NTSR2: variants seen among roughly 807,000 people sequenced by gnomAD.
NTSR2 encodes the protein neurotensin receptor 2.
Under a neutral mutation model 24.1 loss-of-function variants are expected in NTSR2, and 22 were observed. That is an observed-to-expected ratio of 0.91 (90% confidence interval 0.65 to 1.30). The LOEUF is 1.30. Ranked by LOEUF, NTSR2 falls within the 50% of genes most tolerant of loss-of-function variation. NTSR2 has a pLI of 0.00. For synonymous variants in NTSR2, 291 were observed against 267.0 expected (o/e 1.09, Z -0.88); for missense variants, 570 against 570.4 (o/e 1.00, Z 0.01).
In NTSR2 at chr2:11,658,294, G is replaced by C. The variant is rs1660973155; in HGVS notation, c.*185C>G. On this transcript the variant is annotated 3_prime_UTR_variant, in exon 4 of 4. Coordinates refer to ENST00000306928, the MANE Select transcript of NTSR2 (RefSeq NM_012344.4). ...TTCTTTATCTCCACTACACAGACGAGGGAGCCTGAGGCTAGGAGGGGTCAC... is the reference window on the plus strand; with the variant it reads ...TTCTTTATCTCCACTACACAGACGACGGAGCCTGAGGCTAGGAGGGGTCAC... The C allele has an allele frequency of 1.5e-6, 1 of 663,694 alleles. No homozygotes were observed. Among genetic ancestry groups the C allele is most frequent in the South Asian group, 2.3e-5 (1 of 43,614 alleles). 41.1% of individuals were successfully genotyped at this position (663,694 alleles called of 1,614,324 possible). A position where few individuals can be genotyped will look rare whatever the true frequency, so the allele number is the denominator to read the frequency against.
chr2:11,662,306 T>C (rs1421350215), intron 1 of NTSR2, 66 bp from the exon 2 acceptor site: 6 of 1,411,754 alleles, frequency 4.3e-6, no homozygotes, highest in Non-Finnish European at 5.6e-6. Context: ...CATCTGGCTG[T>C]GCCCCAGACC....
intron 1 of NTSR2, chr2:11,665,270 C>G (rs1463329844): frequency 6.6e-6 from 1 of 152,216 alleles, no homozygotes; most frequent in African/African-American, 2.4e-5. Flanking sequence ...AGCTGGGGAC[C>G]ACGTGCAGGC....
rs1199613569 is a variant in NTSR2 at position 11,665,069 on chromosome 2, T to G, written c.625-2829A>C. 2.7e-3 allele frequency among the ~76,000 whole-genome samples: 395 copies of G among 147,046 alleles called. 4 individuals are homozygous for G. The highest frequency in any genetic ancestry group is 0.024 in the Middle Eastern group (7 of 286). Reference sequence around the variant, plus strand: ...ACTTTGGCACTGTTTTTTTTTTTTTTTTTTTTTTTTTTTTCCAAGCTTGTC... The same window carrying G: ...ACTTTGGCACTGTTTTTTTTTTTTTGTTTTTTTTTTTTTTCCAAGCTTGTC... On this transcript the variant is annotated intron_variant, in intron 1 of 3. Transcript: ENST00000306928.
At position 11,662,133 on chromosome 2, in the gene NTSR2, A is replaced by G. The variant is rs917073415; in HGVS notation, c.732T>C (p.Ser244=). The change falls in exon 2 of 4, where the codon TCT becomes TCC. Residue 244 remains serine (S), a synonymous_variant. Coordinates refer to ENST00000306928, the MANE Select transcript of NTSR2 (RefSeq NM_012344.4). ...GGCTGGGGGTGGAGCTGCCCGGGGTAGAAGTGGACGGCACTTGGGAGCAGA... is the reference window on the plus strand; with the variant it reads ...GGCTGGGGGTGGAGCTGCCCGGGGTGGAAGTGGACGGCACTTGGGAGCAGA... ...LALCSQVPST[S]TPGSSTPSRL... The G allele has an allele frequency of 1.2e-6, 2 of 1,610,810 alleles. No homozygotes were observed. Among genetic ancestry groups the G allele is most frequent in the Non-Finnish European group, 8.5e-7 (1 of 1,178,836 alleles).
rs1246609299 is a variant in NTSR2 at position 11,669,764 on chromosome 2, C to T, written c.366G>A (p.Thr122=). 2 of 1,542,814 alleles carry T rather than the reference C, an allele frequency of 1.3e-6. No individual in the cohort carries two copies. Among genetic ancestry groups the T allele is most frequent in the African/African-American group, 2.7e-5 (2 of 73,324 alleles). Residue 122 remains threonine (T), a synonymous_variant, in exon 1 of 4, where the codon ACG becomes ACA. Transcript: ENST00000306928. The part of the protein sequence containing the change: ...YFVHELCAYA[T]VLSVAGLSAE... ...CGCTCAGGCCTGCCACGCTCAGCAC[C>T]GTGGCGTAGGCGCACAGCTCGTGCA... is the stretch of plus-strand genomic sequence containing the variant.
chr2:11,658,602 C>T lies in NTSR2; in HGVS notation c.1110G>A (p.Leu370=). The change falls in exon 4 of 4, where the codon CTG becomes CTA. Residue 370 remains leucine, a synonymous_variant. Transcript: ENST00000306928. ...AVSSSFRKLF[L]EAVSSLCGEH... ...CTCCACACAGGGAGCTGACGGCTTC[C>T]AGGAAGAGTTTTCTGAAGGAGGAGG... 1 of 1,614,158 alleles carries T rather than the reference C, an allele frequency of 6.2e-7. No homozygotes were observed. Among genetic ancestry groups the T allele is most frequent in the Non-Finnish European group, 8.5e-7 (1 of 1,180,034 alleles).
intron 1 of NTSR2, 46 bp downstream of exon 1, chr2:11,669,460 G>GGGGGGGGGGGGGGCCCCCCCC: frequency 7.5e-5 from 19 of 254,706 alleles, no homozygotes; most frequent in East Asian, 1.6e-4. Context: ...TCCCAGCACC[G>GGGGGGGGGGGGGGCCCCCCCC]CCCCCCCACC....
At chr2:11,660,663 C>T (rs1222641845) in intron 2 of NTSR2, among the ~76,000 whole-genome samples, 3 of 152,126 alleles carry the variant, frequency 2.0e-5, no homozygotes, top group Non-Finnish European at 4.4e-5. Context: ...ATTGCTTGAA[C>T]CTGGAAGGAG....
intron 1 of NTSR2, among the ~76,000 whole-genome samples, chr2:11,668,564 G>A (rs919297846): frequency 5.3e-5 from 8 of 152,212 alleles, no homozygotes; most frequent in African/African-American, 1.9e-4. Flanking sequence ...GTGCAGAGAA[G>A]GGGTCCTGGC....
intron 1 of NTSR2, among the ~76,000 whole-genome samples, chr2:11,668,567 G>A (rs1049010270): frequency 6.6e-6 from 1 of 152,190 alleles, no homozygotes; most frequent in African/African-American, 2.4e-5. Flanking sequence ...CAGAGAAGGG[G>A]TCCTGGCTCC....
intron 2 of NTSR2, 147 bp from the exon 3 acceptor site, chr2:11,660,280 T>C: frequency 1.6e-6 from 1 of 636,526 alleles, no homozygotes; most frequent in Non-Finnish European, 2.8e-6. Flanking sequence ...AAGGAGGCTT[T>C]GAGGTTATCT....
At position 11,667,313 on chromosome 2, in the gene NTSR2, A is replaced by T. The variant is rs149728061; in HGVS notation, c.624+2193T>A. The stretch of plus-strand genomic sequence containing the variant: ...TCTTTCCCCTTCCACAATGGCTAGA[A>T]TTTTTATTCAGAAACAGATTATGAA... On this transcript the variant is annotated intron_variant, in intron 1 of 3. Transcript: ENST00000306928. Among the ~76,000 whole-genome samples, 51 of 152,306 alleles carry T rather than the reference A, an allele frequency of 3.3e-4. 1 individual carries two copies. The highest frequency in any genetic ancestry group is 4.3e-4 in the African/African-American group (18 of 41,566).
At chr2:11,658,940 G>A (rs1190350318) in intron 3 of NTSR2, among the ~76,000 whole-genome samples, 4 of 152,058 alleles carry the variant, frequency 2.6e-5, no homozygotes, top group African/African-American at 4.8e-5. Context: ...TGCAACCTCC[G>A]CCTTCTGAGC....
At chr2:11,669,460 G>GGGGGGGGGGGGGGGCCCCCCCC in intron 1 of NTSR2, 46 bp downstream of exon 1, 21 of 254,710 alleles carry the variant, frequency 8.2e-5, no homozygotes, top group South Asian at 1.6e-4. Context: ...TCCCAGCACC[G>GGGGGGGGGGGGGGGCCCCCCCC]CCCCCCCACC....
At position 11,670,056 on chromosome 2, in the gene NTSR2, A is replaced by G. The variant is rs542691872; in HGVS notation, c.74T>C (p.Val25Ala). ...CACCTTGGCCCAGAGGCGAGTGTCC[A>G]CGCCCAGCCGGGCGTCCAGGCTCAG... ...PGLSLDARLG[V>A]DTRLWAKVLF... is the part of the protein sequence containing the mutation. The change falls in exon 1 of 4, where the codon GTG becomes GCG. Residue 25 changes from valine to alanine, a missense_variant. Coordinates refer to ENST00000306928, the MANE Select transcript of NTSR2 (RefSeq NM_012344.4). 227 of 1,477,964 alleles carry G rather than the reference A, an allele frequency of 1.5e-4. No homozygotes were observed. In the African/African-American group the frequency reaches 2.7e-3, roughly 17 times the overall value. The allele number at this position is 1,477,964 out of a possible 1,614,324, so 91.6% of individuals were successfully genotyped here.
At chr2:11,662,557 G>A (rs183634939) in intron 1 of NTSR2, among the ~76,000 whole-genome samples, 4,905 of 152,234 alleles carry the variant, frequency 0.032, 117 homozygotes, top group Non-Finnish European at 0.048. Context: ...CGAGGCGGGC[G>A]GATCACGAGG....
At chr2:11,668,597 G>A (rs1331367708) in intron 1 of NTSR2, among the ~76,000 whole-genome samples, 1 of 152,172 alleles carries the variant, frequency 6.6e-6, no homozygotes, top group Non-Finnish European at 1.5e-5. Context: ...TGTTCCTTTA[G>A]GTTTCCTGGA....
chr2:11,660,500 T>C (rs1367468878), intron 2 of NTSR2, among the ~76,000 whole-genome samples: 6 of 152,198 alleles, frequency 3.9e-5, no homozygotes, highest in Non-Finnish European at 1.5e-5. Context: ...GCACGGTGGC[T>C]CATGCCTGTA....
chr2:11,669,460 G>GGCCCGGGGGGGGCCCCCCCCCC, intron 1 of NTSR2, 46 bp downstream of exon 1: 1 of 254,726 alleles, frequency 3.9e-6, no homozygotes, highest in East Asian at 5.5e-5. Context: ...TCCCAGCACC[G>GGCCCGGGGGGGGCCCCCCCCCC]CCCCCCCACC....
Sources: allele counts gnomAD v4.1 joint callset (sites outside exome capture counted in the v4.1 genomes callset), GRCh38; gene constraint gnomAD v4.1.1; transcripts MANE v1.5; gene names NCBI Gene and HGNC (gene_info 2026-07-23, HGNC 2026-07-21).